PSD3: variants seen among roughly 807,000 people sequenced by gnomAD.
PSD3 encodes the protein PH and SEC7 domain-containing protein 3.
Under a neutral mutation model 105.5 loss-of-function variants are expected in PSD3, and 49 were observed. The observed-to-expected ratio is 0.46, with a 90% CI of 0.37 to 0.59. The LOEUF is 0.59. PSD3 is among the 20% of genes least tolerant of loss of function. The pLI is 0.00. For missense variants in PSD3, 1,561 were observed against 1,263.8 expected (o/e 1.24, Z -3.57); for synonymous variants, 557 against 457.8 (o/e 1.22, Z -2.77).
intron 13 of PSD3, among the ~76,000 whole-genome samples, chr8:18,574,911 T>C (rs552617930): frequency 1.3e-5 from 2 of 152,292 alleles, no homozygotes; most frequent in South Asian, 4.1e-4. Flanking sequence ...TGACTAAAAG[T>C]CAAAGGGCTA....
At chr8:18,673,368 A>AT (rs1216732696) in intron 9 of PSD3, among the ~76,000 whole-genome samples, 1 of 152,072 alleles carries the variant, frequency 6.6e-6, no homozygotes, top group African/African-American at 2.4e-5. Flanking sequence ...CTACGTTTCC[A>AT]TTTTTTGTAA....
chr8:18,763,161 C>G (rs954158384), intron 9 of PSD3: 1 of 409,556 alleles, frequency 2.4e-6, no homozygotes, highest in African/African-American at 2.1e-5. Flanking sequence ...TACTTTTGAA[C>G]CAAATTAATC....
At chr8:19,072,557 G>C (rs1829305899) in intron 1 of PSD3, among the ~76,000 whole-genome samples, 1 of 152,188 alleles carries the variant, frequency 6.6e-6, no homozygotes, top group Non-Finnish European at 1.5e-5. Flanking sequence ...CAAGATGAGA[G>C]AGGTGGGTAA....
chr8:18,895,397 C>G (rs1819080587), intron 2 of PSD3, among the ~76,000 whole-genome samples: 1 of 152,204 alleles, frequency 6.6e-6, no homozygotes, highest in Non-Finnish European at 1.5e-5. Context: ...ATATCTCCCC[C>G]TATCTACAGT....
At chr8:18,853,738 C>G (rs1256904080) in intron 4 of PSD3, among the ~76,000 whole-genome samples, 1 of 152,126 alleles carries the variant, frequency 6.6e-6, no homozygotes, top group Non-Finnish European at 1.5e-5. Flanking sequence ...CATGACTAAG[C>G]TCAAATTAGT....
chr8:18,816,842 G>A (rs1338878504), intron 4 of PSD3, among the ~76,000 whole-genome samples: 1 of 132,196 alleles, frequency 7.6e-6, no homozygotes, highest in Non-Finnish European at 1.6e-5. Context: ...CTTTCAAGGA[G>A]TTTACACTCA....
intron 4 of PSD3, among the ~76,000 whole-genome samples, chr8:18,820,649 CT>C (rs34112419): frequency 1.3e-5 from 2 of 151,612 alleles, no homozygotes; most frequent in Non-Finnish European, 2.9e-5. Flanking sequence ...GCAACCATTT[CT>C]TTTTTTTTAA....
intron 9 of PSD3, among the ~76,000 whole-genome samples, chr8:18,713,039 G>A (rs1359447438): frequency 6.6e-6 from 1 of 152,062 alleles, no homozygotes; most frequent in Non-Finnish European, 1.5e-5. Context: ...AAAACCACGG[G>A]ATTATCTCGA....
intron 1 of PSD3, among the ~76,000 whole-genome samples, chr8:19,068,238 T>A (rs192175837): frequency 0.01 from 1,558 of 150,120 alleles, 22 homozygotes; most frequent in African/African-American, 0.031. Flanking sequence ...CTGAGGATTT[T>A]AAAAAAAAAT....
chr8:18,549,006 GT>G, intron 15 of PSD3, among the ~76,000 whole-genome samples: 1 of 152,142 alleles, frequency 6.6e-6, no homozygotes, highest in Admixed American at 6.5e-5. Flanking sequence ...CATCCTACAC[GT>G]CTCAGGGAGC....
At chr8:19,050,378 C>T (rs1394155026) in intron 1 of PSD3, among the ~76,000 whole-genome samples, 1 of 152,130 alleles carries the variant, frequency 6.6e-6, no homozygotes, top group Non-Finnish European at 1.5e-5. Context: ...TATAAAGACA[C>T]ATGCACACGT....
At chr8:18,691,447 C>T (rs544256785) in intron 9 of PSD3, among the ~76,000 whole-genome samples, 20 of 152,342 alleles carry the variant, frequency 1.3e-4, no homozygotes, top group African/African-American at 4.8e-4. Context: ...AAACACAAAA[C>T]TGTGAAGCTA....
intron 11 of PSD3, among the ~76,000 whole-genome samples, chr8:18,602,616 T>G (rs1047510846): frequency 6.6e-6 from 1 of 152,088 alleles, no homozygotes; most frequent in Non-Finnish European, 1.5e-5. Context: ...TATTAATCCA[T>G]TTAACTCACA....
intron 1 of PSD3, among the ~76,000 whole-genome samples, chr8:19,072,116 T>C (rs1348621440): frequency 1.3e-5 from 2 of 151,876 alleles, no homozygotes; most frequent in Admixed American, 6.6e-5. Flanking sequence ...TTTTTTTTTT[T>C]TTTGTGACGG....
chr8:18,797,525 G>C (rs1810295970), intron 8 of PSD3, among the ~76,000 whole-genome samples: 1 of 152,122 alleles, frequency 6.6e-6, no homozygotes, highest in African/African-American at 2.4e-5. Context: ...TAAACCTGTA[G>C]CTACTGAAAC....
At chr8:19,039,900 C>T (rs1474844179) in intron 1 of PSD3, among the ~76,000 whole-genome samples, 3 of 152,080 alleles carry the variant, frequency 2.0e-5, no homozygotes, top group East Asian at 3.9e-4. Flanking sequence ...CACAAATAAA[C>T]GTATTATATG....
intron 12 of PSD3, among the ~76,000 whole-genome samples, chr8:18,581,195 G>T (rs1215457473): frequency 6.6e-6 from 1 of 152,046 alleles, no homozygotes; most frequent in African/African-American, 2.4e-5. Flanking sequence ...AACAGGAATG[G>T]AATCATTTTA....
At position 18,941,665 on chromosome 8, in the gene PSD3, C is replaced by CTTT. The variant is rs869259596; in HGVS notation, c.22-5526_22-5524dup. Among the ~76,000 whole-genome samples the CTTT allele has an allele frequency of 6.2e-3, 664 of 107,662 alleles. 26 individuals carry two copies. Among genetic ancestry groups the CTTT allele is most frequent in the African/African-American group, 0.019 (496 of 26,176 alleles). 70.6% of individuals were successfully genotyped at this position (107,662 alleles called of 152,430 possible). The stretch of plus-strand genomic sequence containing the variant: ...GATAAGCACTACTGATGTAGAATGA[C>CTTT]TTTTTTTTTTTTTTTTTTTTTTGAG... On this transcript the variant is annotated intron_variant, in intron 1 of 15. Coordinates refer to ENST00000327040, the MANE Select transcript of PSD3 (RefSeq NM_015310.4).
intron 14 of PSD3, among the ~76,000 whole-genome samples, chr8:18,559,798 T>A (rs568922604): frequency 6.6e-6 from 1 of 152,170 alleles, no homozygotes; most frequent in African/African-American, 2.4e-5. Flanking sequence ...AGAATGACAA[T>A]ATGTGCAACA....
Sources: allele counts gnomAD v4.1 joint callset (sites outside exome capture counted in the v4.1 genomes callset), GRCh38; gene constraint gnomAD v4.1.1; transcripts MANE v1.5; gene names NCBI Gene and HGNC (gene_info 2026-07-23, HGNC 2026-07-21).